SEMA3C: variants seen among roughly 807,000 people sequenced by gnomAD.
SEMA3C encodes semaphorin 3C.
A neutral mutation model predicts 89.4 loss-of-function variants in SEMA3C; 47 were observed. The ratio of observed to expected loss-of-function variants is 0.53; its 90% CI spans 0.42 to 0.67. The LOEUF is 0.67. Ranked by LOEUF, SEMA3C falls within the 30% of genes least tolerant of loss-of-function variation. The probability of loss-of-function intolerance (pLI) is 0.00; values close to 1 mark genes in which losing one functional copy is unlikely to be tolerated. For synonymous variants in SEMA3C, 310 were observed against 320.2 expected, an observed-to-expected ratio of 0.97 and a Z score of 0.34; for missense variants, 839 against 929.1, an observed-to-expected ratio of 0.90 and a Z score of 1.26.
At chr7:80,884,610 A>G (rs1286324406) in intron 2 of SEMA3C, among the ~76,000 whole-genome samples, 1 of 152,216 alleles carries the variant, frequency 6.6e-6, no homozygotes, top group African/African-American at 2.4e-5. Context: ...TTTTGAGGGA[A>G]AGTGTTGATG....
chr7:80,801,354 T>A (rs747527050), intron 9 of SEMA3C, among the ~76,000 whole-genome samples: 4 of 152,130 alleles, frequency 2.6e-5, no homozygotes, highest in Non-Finnish European at 5.9e-5. Flanking sequence ...TAGAACTTTT[T>A]GTGGCATATG....
intron 12 of SEMA3C, among the ~76,000 whole-genome samples, chr7:80,770,128 T>C (rs1359961096): frequency 6.6e-6 from 1 of 152,164 alleles, no homozygotes. Flanking sequence ...AGTTGGGCAG[T>C]ATGGATGCAA....
chr7:80,744,597 C>A lies in SEMA3C; in HGVS notation c.*297G>T, dbSNP rs556966793. 1.3e-5 allele frequency: 5 copies of A among 388,254 alleles called. No homozygotes were observed. In the South Asian group the frequency reaches 1.4e-4, roughly 11 times the overall value. 24.1% of individuals were successfully genotyped at this position (388,254 alleles called of 1,614,324 possible). A position where few individuals can be genotyped will look rare whatever the true frequency, so the allele number is the denominator to read the frequency against. On this transcript the variant is annotated 3_prime_UTR_variant, in exon 18 of 18. Coordinates refer to ENST00000265361, the MANE Select transcript of SEMA3C (RefSeq NM_006379.5). ...GCCCTCATTCAATTGAGGGATGCAA[C>A]AATTCTAGTTTTGCAGCCACCATAT...
intron 10 of SEMA3C, among the ~76,000 whole-genome samples, chr7:80,800,169 A>G (rs2115657085): frequency 2.0e-5 from 3 of 151,930 alleles, no homozygotes; most frequent in African/African-American, 7.2e-5. Context: ...AAAAAAAAAA[A>G]AGACAGAAAA....
At chr7:80,853,185 A>G (rs1049926644) in intron 2 of SEMA3C, among the ~76,000 whole-genome samples, 1 of 152,152 alleles carries the variant, frequency 6.6e-6, no homozygotes, top group African/African-American at 2.4e-5. Context: ...AAATTAGTAC[A>G]GCCACTATGG....
At position 80,804,088 on chromosome 7, in the gene SEMA3C, A is replaced by G. The variant is rs372352167; in HGVS notation, c.801+18T>C. On this transcript the variant is annotated intron_variant, in intron 8 of 17. Coordinates refer to ENST00000265361, the MANE Select transcript of SEMA3C (RefSeq NM_006379.5). ...ATTTCTTGGTCTTTCTTCAAATCGG[A>G]ACAGCATTAATACTTACAGGACATA... The G allele has an allele frequency of 1.3e-6, 2 of 1,582,652 alleles. No individual in the cohort carries two copies. Among genetic ancestry groups the G allele is most frequent in the Non-Finnish European group, 8.6e-7 (1 of 1,164,588 alleles).
chr7:80,890,857 T>C (rs1018385829), intron 2 of SEMA3C, among the ~76,000 whole-genome samples: 3 of 152,196 alleles, frequency 2.0e-5, no homozygotes, highest in Non-Finnish European at 2.9e-5. Context: ...ACAAAGCCAG[T>C]AATTTATGAT....
At chr7:80,782,681 A>C (rs1216032839) in intron 12 of SEMA3C, among the ~76,000 whole-genome samples, 3 of 152,124 alleles carry the variant, frequency 2.0e-5, no homozygotes, top group African/African-American at 7.2e-5. Context: ...ACAAATAATA[A>C]ATGCAACTCA....
At chr7:80,794,221 C>T (rs902764474) in intron 11 of SEMA3C, among the ~76,000 whole-genome samples, 2 of 151,914 alleles carry the variant, frequency 1.3e-5, no homozygotes, top group South Asian at 4.1e-4. Flanking sequence ...TCCTTCCTTA[C>T]TCAATTTATC....
intron 2 of SEMA3C, among the ~76,000 whole-genome samples, chr7:80,846,244 C>T (rs1790386632): frequency 6.6e-6 from 1 of 152,156 alleles, no homozygotes; most frequent in Non-Finnish European, 1.5e-5. Flanking sequence ...TCTTTATGCA[C>T]CTACAATAGA....
At chr7:80,810,551 G>T in intron 6 of SEMA3C, 60 bp downstream of exon 6, 1 of 1,357,398 alleles carries the variant, frequency 7.4e-7, no homozygotes, top group Non-Finnish European at 1.1e-6. Flanking sequence ...GGTATACCAT[G>T]TCAAGCTAAT....
rs142568441 is a variant in SEMA3C at position 80,859,928 on chromosome 7, TA to T, written c.104-31184del. 9.1e-3 allele frequency among the ~76,000 whole-genome samples: 1,386 copies of T among 151,878 alleles called. 55 individuals carry two copies. The East Asian group carries it at 0.13, about 14-fold the overall frequency. On this transcript the variant is annotated intron_variant, in intron 2 of 17. Coordinates refer to ENST00000265361, the MANE Select transcript of SEMA3C (RefSeq NM_006379.5). ...GTCTGCTAGACACTATTTTTTTTTT[TA>T]AAATAATCGGGTTTCAAAAATGTCT...
chr7:80,797,719 G>A (rs1237853130), intron 11 of SEMA3C, among the ~76,000 whole-genome samples: 2 of 152,050 alleles, frequency 1.3e-5, no homozygotes, highest in Non-Finnish European at 2.9e-5. Flanking sequence ...AGATATTCAG[G>A]CCGGGTGCGG....
Position 80,748,918 on chromosome 7 carries a change from C to T in SEMA3C, c.1822G>A (p.Asp608Asn). 1 of 1,612,302 alleles carries T rather than the reference C, an allele frequency of 6.2e-7. No homozygotes were observed. Among genetic ancestry groups the T allele is most frequent in the Non-Finnish European group, 8.5e-7 (1 of 1,179,276 alleles). ...CTCACCTCTTTCCTCCTGTCTTTGTCTTTCTGTAACAGCCACTTGATAGAT... is the reference window on the plus strand; with the variant it reads ...CTCACCTCTTTCCTCCTGTCTTTGTTTTTCTGTAACAGCCACTTGATAGAT... Reference protein sequence around the residue: ...QASIKWLLQKDKDRRKEVKLN... With the variant: ...QASIKWLLQKNKDRRKEVKLN... Residue 608 changes from aspartate to asparagine, a missense_variant, in exon 17 of 18, where the codon GAC (aspartate) becomes AAC (asparagine). Physicochemically the swap from Asp to Asn is conservative, Grantham distance 23. Transcript: ENST00000265361.
At chr7:80,827,401 T>TG (rs746869845) in intron 4 of SEMA3C, 24 bp downstream of exon 4, 68 of 1,431,002 alleles carry the variant, frequency 4.8e-5, no homozygotes, top group Non-Finnish European at 3.3e-5. Context: ...TGTTTTTTTT[T>TG]TTTTTTTTTT....
At chr7:80,917,922 G>C (rs1229234088) in intron 1 of SEMA3C, among the ~76,000 whole-genome samples, 1 of 152,154 alleles carries the variant, frequency 6.6e-6, no homozygotes, top group Non-Finnish European at 1.5e-5. Flanking sequence ...AGAATAAAAA[G>C]AATTAAATGG....
chr7:80,762,650 T>C (rs1186686549), intron 13 of SEMA3C, among the ~76,000 whole-genome samples: 1 of 152,062 alleles, frequency 6.6e-6, no homozygotes, highest in African/African-American at 2.4e-5. Flanking sequence ...TGAAACCCTG[T>C]CTCTACTACA....
chr7:80,827,323 C>T (rs1789893507), intron 4 of SEMA3C, 102 bp downstream of exon 4: 2 of 1,240,666 alleles, frequency 1.6e-6, no homozygotes, highest in Non-Finnish European at 1.1e-6. Flanking sequence ...TTTAAAACAC[C>T]ACCATCCTTG....
chr7:80,777,042 G>A (rs1332536206), intron 12 of SEMA3C, among the ~76,000 whole-genome samples: 1 of 151,954 alleles, frequency 6.6e-6, no homozygotes, highest in East Asian at 1.9e-4. Flanking sequence ...TCTATTGAAT[G>A]CTTACTAATC....
Sources: gnomAD v4.1 joint callset for allele counts (sites outside exome capture counted in the v4.1 genomes callset) on GRCh38, gnomAD v4.1.1 for gene constraint, MANE v1.5 for transcripts, NCBI Gene and HGNC (gene_info 2026-07-23, HGNC 2026-07-21) for gene names.